The following GYPC variants were observed in gnomAD, a reference collection of about 807,000 sequenced individuals.
GYPC encodes glycophorin-C.
A neutral mutation model predicts 12.6 loss-of-function variants in GYPC; 14 were observed. The ratio of observed to expected loss-of-function variants is 1.11; its 90% CI spans 0.74 to 1.74. The LOEUF (loss-of-function observed/expected upper bound fraction) is 1.74. Among genes scored for constraint, GYPC ranks in the 40% most tolerant of loss-of-function variants. GYPC has a pLI of 0.00. For missense variants in GYPC, 225 were observed against 172.1 expected, an observed-to-expected ratio of 1.31 and a Z score of -1.72; for synonymous variants, 78 against 62.1, an observed-to-expected ratio of 1.26 and a Z score of -1.20.
At chr2:126,695,642 A>G (rs1297112033) in intron 3 of GYPC, among the ~76,000 whole-genome samples, 2 of 151,404 alleles carry the variant, frequency 1.3e-5, no homozygotes, top group Non-Finnish European at 2.9e-5. Flanking sequence ...ATTATAAAAT[A>G]GTCTCTGGGT....
At chr2:126,665,349 G>A (rs1013535465) in intron 1 of GYPC, among the ~76,000 whole-genome samples, 1 of 152,178 alleles carries the variant, frequency 6.6e-6, no homozygotes, top group African/African-American at 2.4e-5. Context: ...ATCTTACTGT[G>A]TCTAATTTAT....
At chr2:126,681,721 G>A (rs1185156619) in intron 1 of GYPC, among the ~76,000 whole-genome samples, 2 of 149,584 alleles carry the variant, frequency 1.3e-5, no homozygotes, top group South Asian at 2.1e-4. Context: ...ATGGTTTGCA[G>A]TGAGCCAAGA....
At chr2:126,656,688 C>A (rs1682367801) in intron 1 of GYPC, among the ~76,000 whole-genome samples, 1 of 152,236 alleles carries the variant, frequency 6.6e-6, no homozygotes, top group Admixed American at 6.5e-5. Flanking sequence ...TCACAAGTTG[C>A]TTCTGTGCTG....
At chr2:126,683,424 T>C (rs1683202892) in intron 1 of GYPC, among the ~76,000 whole-genome samples, 1 of 152,236 alleles carries the variant, frequency 6.6e-6, no homozygotes, top group African/African-American at 2.4e-5. Flanking sequence ...AACTCCACCT[T>C]GCTCAGCCAG....
At chr2:126,688,060 T>C (rs996532721) in intron 1 of GYPC, among the ~76,000 whole-genome samples, 1 of 152,104 alleles carries the variant, frequency 6.6e-6, no homozygotes, top group African/African-American at 2.4e-5. Flanking sequence ...ATCTGGAAAA[T>C]GGGGCTAATA....
intron 1 of GYPC, among the ~76,000 whole-genome samples, chr2:126,664,557 G>A (rs1682627530): frequency 6.6e-6 from 1 of 152,182 alleles, no homozygotes; most frequent in Non-Finnish European, 1.5e-5. Flanking sequence ...AAAATCAGAA[G>A]GAAGGAAATG....
chr2:126,670,993 C>G (rs142904919), intron 1 of GYPC, among the ~76,000 whole-genome samples: 249 of 152,318 alleles, frequency 1.6e-3, no homozygotes, highest in African/African-American at 5.5e-3. Flanking sequence ...ACAGGAGACT[C>G]TCTGATGGCA....
chr2:126,689,727 G>A (rs1683398986), intron 1 of GYPC, among the ~76,000 whole-genome samples: 1 of 152,058 alleles, frequency 6.6e-6, no homozygotes, highest in Non-Finnish European at 1.5e-5. Context: ...GCCATGAGTG[G>A]GAGCAGTATG....
rs539772310 is a variant in GYPC at position 126,673,301 on chromosome 2, G to C, written c.50-16954G>C. ...TAACATCTTGGAAGTTGGCCCCCGG[G>C]CATCTGTCTGTACTTGGAATCGCTC... On this transcript the variant is annotated intron_variant, in intron 1 of 3. Transcript: ENST00000259254. Among the ~76,000 whole-genome samples the C allele has an allele frequency of 1.1e-3, 170 of 152,218 alleles. 1 individual carries two copies. Among genetic ancestry groups the C allele is most frequent in the African/African-American group, 3.8e-3 (159 of 41,534 alleles).
At chr2:126,691,913 T>A (rs190287145) in intron 2 of GYPC, among the ~76,000 whole-genome samples, 60 of 152,310 alleles carry the variant, frequency 3.9e-4, no homozygotes, top group Non-Finnish European at 4.3e-4. Flanking sequence ...CATGCCTACT[T>A]AAGCAAGGTG....
intron 1 of GYPC, among the ~76,000 whole-genome samples, chr2:126,672,527 G>A (rs1682879891): frequency 6.6e-6 from 1 of 152,216 alleles, no homozygotes; most frequent in Non-Finnish European, 1.5e-5. Context: ...ATGAGTGTGA[G>A]TGTGGGTCCC....
At chr2:126,666,708 T>TCCAC (rs1491089453) in intron 1 of GYPC, among the ~76,000 whole-genome samples, 88 of 118,420 alleles carry the variant, frequency 7.4e-4, no homozygotes, top group Non-Finnish European at 1.3e-3. Context: ...CCTCCCTCCC[T>TCCAC]ACACACACAC....
intron 2 of GYPC, 135 bp from the exon 3 acceptor site, chr2:126,693,729 C>CA: frequency 2.7e-6 from 2 of 742,664 alleles, no homozygotes; most frequent in Non-Finnish European, 5.0e-6. Flanking sequence ...AGTGGGTGCG[C>CA]CGCACTGCTC....
chr2:126,681,160 C>T (rs1347639950), intron 1 of GYPC, among the ~76,000 whole-genome samples: 2 of 152,160 alleles, frequency 1.3e-5, no homozygotes, highest in Non-Finnish European at 2.9e-5. Flanking sequence ...TCTTAAAAGC[C>T]GGTACTTAAC....
intron 1 of GYPC, among the ~76,000 whole-genome samples, chr2:126,669,444 T>G (rs1040452369): frequency 2.0e-5 from 3 of 152,076 alleles, no homozygotes; most frequent in Non-Finnish European, 1.5e-5. Context: ...CTCCCTCATA[T>G]GTGCGGAAAC....
Position 126,656,222 on chromosome 2 carries a change from C to T in GYPC, c.-42C>T, listed in dbSNP as rs1281690618. ...CTCCCCCGGCCCGGCCTGGCCCGGC[C>T]TGGCCAGTCCCCGCGGTCTCTGCCC... On this transcript the variant is annotated 5_prime_UTR_variant, in exon 1 of 4. Transcript: ENST00000259254. The T allele has an allele frequency of 6.3e-7, 1 of 1,579,580 alleles. No individual in the cohort carries two copies. The highest frequency in any genetic ancestry group is 8.6e-7 in the Non-Finnish European group (1 of 1,166,060).
chr2:126,690,105 G>T, intron 1 of GYPC, 150 bp from the exon 2 acceptor site: 2 of 716,442 alleles, frequency 2.8e-6, no homozygotes, highest in South Asian at 3.0e-5. Flanking sequence ...CCCCTGCTAG[G>T]AGTCGGTGGG....
At chr2:126,692,160 A>G (rs1193645878) in intron 2 of GYPC, among the ~76,000 whole-genome samples, 4 of 152,068 alleles carry the variant, frequency 2.6e-5, no homozygotes, top group Non-Finnish European at 4.4e-5. Context: ...CTACTGAGAA[A>G]CACCGTGAAT....
chr2:126,686,263 C>T (rs1282190822), intron 1 of GYPC: 1 of 985,562 alleles, frequency 1.0e-6, no homozygotes. Context: ...CCTGAGAATC[C>T]ATTGCAACTG....
Sources: allele counts gnomAD v4.1 joint callset (sites outside exome capture counted in the v4.1 genomes callset), GRCh38; gene constraint gnomAD v4.1.1; transcripts MANE v1.5; gene names NCBI Gene and HGNC (gene_info 2026-07-23, HGNC 2026-07-21).